MARCHF7: variants seen among roughly 807,000 people sequenced by gnomAD.
MARCHF7 encodes E3 ubiquitin-protein ligase MARCHF7.
A neutral mutation model predicts 76.5 loss-of-function variants in MARCHF7; 20 were observed. That is an observed-to-expected ratio of 0.26 (90% CI 0.18 to 0.38). The LOEUF is 0.38. Ranked by LOEUF, MARCHF7 falls within the 10% of genes least tolerant of loss-of-function variation. The probability of loss-of-function intolerance (pLI) is 1.00; values close to 1 mark genes in which losing one functional copy is unlikely to be tolerated. For missense variants in MARCHF7, 797 were observed against 812.9 expected, an observed-to-expected ratio of 0.98 and a Z score of 0.24; for synonymous variants, 295 against 293.0, an observed-to-expected ratio of 1.01 and a Z score of -0.07.
chr2:159,716,025 T>C (rs1700995142), intron 3 of MARCHF7, among the ~76,000 whole-genome samples: 1 of 152,168 alleles, frequency 6.6e-6, no homozygotes, highest in African/African-American at 2.4e-5. Context: ...AGACTTAACA[T>C]CATAGTCATA....
At chr2:159,764,957 TAAA>T (rs1347991677) in intron 11 of MARCHF7, among the ~76,000 whole-genome samples, 1 of 151,906 alleles carries the variant, frequency 6.6e-6, no homozygotes, top group East Asian at 1.9e-4. Context: ...GGATTTATAA[TAAA>T]AAAGGCATAA....
chr2:159,725,866 G>T (rs1394798233), intron 3 of MARCHF7, among the ~76,000 whole-genome samples: 3 of 152,172 alleles, frequency 2.0e-5, no homozygotes, highest in African/African-American at 7.2e-5. Flanking sequence ...TGGTCTAGTG[G>T]AAGGCTAACC....
intron 3 of MARCHF7, among the ~76,000 whole-genome samples, chr2:159,724,856 A>C (rs1008298474): frequency 5.9e-5 from 9 of 151,998 alleles, no homozygotes; most frequent in African/African-American, 2.2e-4. Context: ...AACAGGCCCC[A>C]GTGTGTGATG....
At position 159,767,417 on chromosome 2, in the gene MARCHF7, T is replaced by C; in HGVS notation, c.*75T>C. The C allele has an allele frequency of 1.9e-6, 2 of 1,031,850 alleles. No homozygotes were observed. Among genetic ancestry groups the C allele is most frequent in the South Asian group, 1.3e-5 (1 of 74,386 alleles). 63.9% of individuals were successfully genotyped at this position (1,031,850 alleles called of 1,614,324 possible). On this transcript the variant is annotated 3_prime_UTR_variant, in exon 12 of 12. Coordinates refer to ENST00000409175, the MANE Select transcript of MARCHF7 (RefSeq NM_001282805.2). ...ATGGCAATTAAATATAAATTACTTT[T>C]GTGGGGGAATGCCTAATAAATACAT...
intron 1 of MARCHF7, among the ~76,000 whole-genome samples, chr2:159,713,774 A>G (rs150098545): frequency 2.4e-4 from 36 of 152,334 alleles, no homozygotes; most frequent in African/African-American, 8.7e-4. Flanking sequence ...CAGACTCAGA[A>G]GACCTGGGTT....
intron 3 of MARCHF7, among the ~76,000 whole-genome samples, chr2:159,723,815 T>C (rs959212401): frequency 1.3e-5 from 2 of 152,348 alleles, no homozygotes; most frequent in East Asian, 1.9e-4. Flanking sequence ...TTTTCTTCTA[T>C]ATACACAGTT....
At chr2:159,717,676 A>G (rs1158204402) in intron 3 of MARCHF7, among the ~76,000 whole-genome samples, 1 of 152,236 alleles carries the variant, frequency 6.6e-6, no homozygotes. Flanking sequence ...GGACTTCTGT[A>G]ATACAAGTTA....
At position 159,768,544 on chromosome 2, in the gene MARCHF7, T is replaced by C. The variant is rs1205834344; in HGVS notation, c.*1202T>C. ...TAGTTTGTTGGTCTTATGTAAAACA[T>C]TGGCTCAAAATAAAGTACACACTGA... On this transcript the variant is annotated 3_prime_UTR_variant, in exon 12 of 12. Coordinates refer to ENST00000409175, the MANE Select transcript of MARCHF7 (RefSeq NM_001282805.2). 2 of 152,626 alleles carry C rather than the reference T, an allele frequency of 1.3e-5. No individual in the cohort carries two copies. Among genetic ancestry groups the C allele is most frequent in the East Asian group, 1.9e-4 (1 of 5,204 alleles). 9.5% of individuals were successfully genotyped at this position (152,626 alleles called of 1,614,324 possible).
chr2:159,765,237 G>A (rs1267783179), intron 11 of MARCHF7, among the ~76,000 whole-genome samples: 1 of 151,596 alleles, frequency 6.6e-6, no homozygotes, highest in African/African-American at 2.4e-5. Flanking sequence ...GGTCCTCATG[G>A]ACCTTTAATA....
At chr2:159,741,690 T>C (rs568528081) in intron 4 of MARCHF7, among the ~76,000 whole-genome samples, 125 of 152,356 alleles carry the variant, frequency 8.2e-4, no homozygotes, top group African/African-American at 2.9e-3. Context: ...ATTTTAACTC[T>C]TTTGTTAAAC....
In MARCHF7 at chr2:159,764,669, T is replaced by C; in HGVS notation, c.2051T>C (p.Leu684Pro). 6.2e-7 allele frequency: 1 copy of C among 1,601,556 alleles called. No individual in the cohort carries two copies. Among genetic ancestry groups the C allele is most frequent in the Non-Finnish European group, 8.5e-7 (1 of 1,174,616 alleles). ...ARTLQAHMEDLETSEDDSEED... is the reference protein window; with the variant it reads ...ARTLQAHMEDPETSEDDSEED... Reference sequence around the variant, plus strand: ...ACTCTTCAGGCACATATGGAAGATCTCGAAAGTAGGTGGAATTTCCCCTCC... The same window carrying C: ...ACTCTTCAGGCACATATGGAAGATCCCGAAAGTAGGTGGAATTTCCCCTCC... Residue 684 changes from leucine (L) to proline (P), a missense_variant, in exon 11 of 12, where the codon CTC becomes CCC. Leu to Pro is a moderately conservative substitution (Grantham distance 98, BLOSUM62 -3). Around this residue, in one of 3 missense-constraint regions of MARCHF7, gnomAD observed 124 missense variants for 121.3 expected, o/e 1.02. Transcript: ENST00000409175.
chr2:159,734,965 G>A (rs1025300208), intron 4 of MARCHF7, among the ~76,000 whole-genome samples: 6 of 152,084 alleles, frequency 3.9e-5, no homozygotes, highest in African/African-American at 1.2e-4. Flanking sequence ...TTGGGTGACA[G>A]AACAGGACCC....
intron 3 of MARCHF7, among the ~76,000 whole-genome samples, chr2:159,719,661 A>G (rs936931305): frequency 2.0e-5 from 3 of 151,846 alleles, no homozygotes; most frequent in Admixed American, 1.3e-4. Context: ...TACCTAGTCT[A>G]TTGTTAAACC....
At chr2:159,743,974 CTT>C (rs1170864400) in intron 5 of MARCHF7, among the ~76,000 whole-genome samples, 18 of 60,612 alleles carry the variant, frequency 3.0e-4, no homozygotes, top group Admixed American at 6.6e-4. Flanking sequence ...AGTAGGAGTT[CTT>C]TTTTTTTTTT....
chr2:159,748,215 T>C lies in MARCHF7; in HGVS notation c.925T>C (p.Leu309=), dbSNP rs770901191. The C allele has an allele frequency of 6.8e-6, 11 of 1,613,972 alleles. No individual in the cohort carries two copies. Among genetic ancestry groups the C allele is most frequent in the Admixed American group, 3.3e-5 (2 of 59,996 alleles). ...TCAGGATTCCTTGAATACAAGATCA[T>C]TGAATTCTGAAAATTCTTACGTTTC... ...SSQDSLNTRS[L]NSENSYVSPR... is the part of the protein sequence containing the mutation. The change falls in exon 7 of 12, where the codon TTG becomes CTG. Residue 309 remains leucine (L), a synonymous_variant. Transcript: ENST00000409175.
At chr2:159,729,260 T>C (rs1702504167) in intron 4 of MARCHF7, 85 bp downstream of exon 4, 4 of 990,778 alleles carry the variant, frequency 4.0e-6, no homozygotes, top group Non-Finnish European at 5.6e-6. Context: ...AAAAATGTGT[T>C]AGCTGGATCT....
intron 11 of MARCHF7, 41 bp from the exon 12 acceptor site, chr2:159,767,243 C>A (rs751554813): frequency 1.4e-5 from 20 of 1,434,236 alleles, no homozygotes; most frequent in Non-Finnish European, 2.0e-5. Context: ...ATTCTTATCC[C>A]CCTTAAAATC....
intron 11 of MARCHF7, among the ~76,000 whole-genome samples, 169 bp downstream of exon 11, chr2:159,764,843 G>T (rs367563840): frequency 6.2e-5 from 9 of 146,210 alleles, no homozygotes; most frequent in African/African-American, 7.6e-5. Flanking sequence ...GACATTAGTT[G>T]TTTTTTTTTT....
rs1225011874 is a variant in MARCHF7, at chr2:159,745,930, TTCA to T, written c.512_514del (p.Ser171del). ...GTCACCGAAGTGGTGATTTCACAAC[TTCA>T]TCATGTATGTATAAATTACATCAAG... On this transcript the variant is annotated inframe_deletion, in exon 6 of 12. Coordinates refer to ENST00000409175, the MANE Select transcript of MARCHF7 (RefSeq NM_001282805.2). 6.2e-7 allele frequency: 1 copy of T among 1,608,298 alleles called. No homozygotes were observed. Among genetic ancestry groups the T allele is most frequent in the Non-Finnish European group, 8.5e-7 (1 of 1,177,726 alleles).
Sources: gnomAD v4.1 joint callset for allele counts (sites outside exome capture counted in the v4.1 genomes callset) on GRCh38, gnomAD v4.1.1 for gene constraint, gnomAD v4.1.1 regional missense constraint, MANE v1.5 for transcripts, NCBI Gene and HGNC (gene_info 2026-07-23, HGNC 2026-07-21) for gene names.